Variants in SLC8A1 observed in about 807,000 individuals in gnomAD.
SLC8A1 encodes sodium/calcium exchanger 1.
SLC8A1 carries 18 observed loss-of-function variants against 68.3 expected under a neutral mutation model. The ratio of observed to expected loss-of-function variants is 0.26; its 90% confidence interval spans 0.18 to 0.39. The LOEUF is 0.39. SLC8A1 is among the 10% of genes least tolerant of loss of function. SLC8A1 has a pLI of 1.00. For synonymous variants in SLC8A1, 475 were observed against 415.5 expected, an observed-to-expected ratio of 1.14 and a Z score of -1.74; for missense variants, 985 against 1,156.7, an observed-to-expected ratio of 0.85 and a Z score of 2.15.
chr2:40,240,008 A>AT (rs2060996540), intron 2 of SLC8A1, among the ~76,000 whole-genome samples: 1 of 152,200 alleles, frequency 6.6e-6, no homozygotes, highest in Non-Finnish European at 1.5e-5. Context: ...CAGGCTCATA[A>AT]TGAAGCCAAC....
intron 2 of SLC8A1, among the ~76,000 whole-genome samples, chr2:40,236,008 C>G (rs1030218947): frequency 1.3e-5 from 2 of 151,704 alleles, no homozygotes; most frequent in African/African-American, 2.4e-5. Context: ...CTGAGGAGAG[C>G]TTTACTTCCA....
chr2:40,134,091 GTT>G (rs1553348355), intron 7 of SLC8A1, among the ~76,000 whole-genome samples: 7 of 50,090 alleles, frequency 1.4e-4, no homozygotes, highest in African/African-American at 7.1e-4. Context: ...TTGTTTGTTT[GTT>G]TGTGTTTTTT....
At chr2:40,241,021 T>C (rs957557838) in intron 2 of SLC8A1, among the ~76,000 whole-genome samples, 1 of 152,156 alleles carries the variant, frequency 6.6e-6, no homozygotes, top group Non-Finnish European at 1.5e-5. Flanking sequence ...GGAAAATAAA[T>C]CATTCTACCA....
intron 2 of SLC8A1, among the ~76,000 whole-genome samples, chr2:40,380,285 C>G (rs1182243540): frequency 6.6e-6 from 1 of 152,124 alleles, no homozygotes; most frequent in Non-Finnish European, 1.5e-5. Flanking sequence ...GCCAAGCATG[C>G]AAGGCCCTTG....
intron 1 of SLC8A1, among the ~76,000 whole-genome samples, chr2:40,496,977 T>C (rs1392153654): frequency 6.7e-6 from 1 of 148,386 alleles, no homozygotes; most frequent in South Asian, 2.2e-4. Context: ...TAATGCTAGA[T>C]GACGAGTTAG....
chr2:40,181,229 G>T (rs1446061191), intron 2 of SLC8A1, among the ~76,000 whole-genome samples: 2 of 152,138 alleles, frequency 1.3e-5, no homozygotes, highest in Non-Finnish European at 2.9e-5. Flanking sequence ...CAAAGTGCTG[G>T]GATTACAGGG....
At chr2:40,269,413 T>C (rs2065749670) in intron 2 of SLC8A1, among the ~76,000 whole-genome samples, 1 of 152,162 alleles carries the variant, frequency 6.6e-6, no homozygotes, top group Non-Finnish European at 1.5e-5. Flanking sequence ...CTGTTGCTCT[T>C]TGACTTAGAA....
intron 1 of SLC8A1, among the ~76,000 whole-genome samples, chr2:40,459,056 C>A (rs906545770): frequency 6.6e-6 from 1 of 152,056 alleles, no homozygotes; most frequent in Non-Finnish European, 1.5e-5. Flanking sequence ...GGATGGACTC[C>A]GGACCAGGCA....
intron 2 of SLC8A1, among the ~76,000 whole-genome samples, chr2:40,301,912 G>C (rs1307219887): frequency 6.6e-6 from 1 of 151,952 alleles, no homozygotes; most frequent in Admixed American, 6.6e-5. Flanking sequence ...GCCCACGCTG[G>C]AGTGCAGTGG....
rs150478722 is a variant in SLC8A1, at chr2:40,345,745, C to T, written c.1808+82728G>A. 2.6e-5 allele frequency among the ~76,000 whole-genome samples: 4 copies of T among 152,168 alleles called. No individual in the cohort carries two copies. In the East Asian group the frequency reaches 7.7e-4, roughly 29 times the overall value. ...CATTCTCAGCCAACTAACACAGGAA[C>T]AGAAAACCAAACACTGCATGTTCTC... On this transcript the variant is annotated intron_variant, in intron 2 of 7. Coordinates refer to ENST00000406785, the Ensembl canonical transcript of SLC8A1.
At chr2:40,371,291 C>T (rs1677959181) in intron 2 of SLC8A1, among the ~76,000 whole-genome samples, 5 of 152,032 alleles carry the variant, frequency 3.3e-5, no homozygotes, top group Admixed American at 2.6e-4. Context: ...TAAATCCCTT[C>T]ATTGTTGCCT....
chr2:40,162,789 A>G (rs2148462774), intron 5 of SLC8A1, among the ~76,000 whole-genome samples: 1 of 152,258 alleles, frequency 6.6e-6, no homozygotes, highest in South Asian at 2.1e-4. Flanking sequence ...AAGGCTTGTG[A>G]AAACCTCACC....
Position 40,441,440 on chromosome 2 carries a change from A to G in SLC8A1, c.-25+10464T>C, listed in dbSNP as rs887202552. Among the ~76,000 whole-genome samples the G allele has an allele frequency of 8.5e-5, 13 of 152,214 alleles. No individual in the cohort carries two copies. In the East Asian group the frequency reaches 2.5e-3, roughly 29 times the overall value. On this transcript the variant is annotated intron_variant, in intron 1 of 7. Coordinates refer to ENST00000406785, the Ensembl canonical transcript of SLC8A1. ...TAAGTTTCATATCGAACAAAAAAAG[A>G]GCCTGTACAGCCAAGACAATCCTAA...
intron 2 of SLC8A1, among the ~76,000 whole-genome samples, chr2:40,197,154 G>A (rs2053206398): frequency 6.6e-6 from 1 of 151,986 alleles, no homozygotes; most frequent in African/African-American, 2.4e-5. Context: ...TCCATGCCAA[G>A]CCATTTGCCC....
chr2:40,479,618 G>A (rs539341537), intron 1 of SLC8A1, among the ~76,000 whole-genome samples: 1 of 152,276 alleles, frequency 6.6e-6, no homozygotes, highest in Admixed American at 6.5e-5. Context: ...AAATATTTCA[G>A]GGGTGGTAAG....
At chr2:40,209,487 G>C (rs959713947) in intron 2 of SLC8A1, among the ~76,000 whole-genome samples, 3 of 152,080 alleles carry the variant, frequency 2.0e-5, no homozygotes, top group Non-Finnish European at 4.4e-5. Flanking sequence ...ACTCTTGAAA[G>C]GACTTCTGAG....
At chr2:40,461,232 G>A (rs1465483103) in intron 1 of SLC8A1, among the ~76,000 whole-genome samples, 4 of 152,074 alleles carry the variant, frequency 2.6e-5, no homozygotes, top group African/African-American at 4.8e-5. Context: ...ATCAAGGTGC[G>A]GATGGAGGGT....
intron 7 of SLC8A1, among the ~76,000 whole-genome samples, chr2:40,137,014 C>T (rs1008621228): frequency 6.6e-6 from 1 of 151,872 alleles, no homozygotes; most frequent in African/African-American, 2.4e-5. Flanking sequence ...ACAAATGATT[C>T]TGTTGTATTT....
intron 2 of SLC8A1, chr2:40,190,793 C>A (rs1052383417): frequency 5.9e-5 from 9 of 151,908 alleles, no homozygotes; most frequent in Non-Finnish European, 1.3e-4. Flanking sequence ...AAAAATCAAC[C>A]CCTAGTCTTA....
Sources: gnomAD v4.1 joint callset for allele counts (sites outside exome capture counted in the v4.1 genomes callset) on GRCh38, gnomAD v4.1.1 for gene constraint, MANE v1.5 for transcripts, NCBI Gene and HGNC (gene_info 2026-07-23, HGNC 2026-07-21) for gene names.